PDE8A: variants seen among roughly 807,000 people sequenced by gnomAD.
The protein encoded by PDE8A is high affinity cAMP-specific and IBMX-insensitive 3',5'-cyclic phosphodiesterase 8A.
PDE8A carries 59 observed loss-of-function variants against 105.0 expected under a neutral mutation model. The ratio of observed to expected loss-of-function variants is 0.56; its 90% confidence interval spans 0.46 to 0.70. The LOEUF is 0.70. Among genes scored for constraint, PDE8A ranks in the 30% least tolerant of loss-of-function variants. The probability of loss-of-function intolerance (pLI) is 0.00; values close to 1 mark genes in which losing one functional copy is unlikely to be tolerated. For synonymous variants in PDE8A, 355 were observed against 371.9 expected, an observed-to-expected ratio of 0.95 and a Z score of 0.52; for missense variants, 1,014 against 1,045.9, an observed-to-expected ratio of 0.97 and a Z score of 0.42.
chr15:85,045,274 C>T (rs759792339), intron 1 of PDE8A, among the ~76,000 whole-genome samples: 4 of 152,194 alleles, frequency 2.6e-5, no homozygotes, highest in Non-Finnish European at 5.9e-5. Flanking sequence ...GACCATTTGG[C>T]ACATAGTGGA....
intron 6 of PDE8A, among the ~76,000 whole-genome samples, chr15:85,084,068 T>A (rs1056975289): frequency 6.6e-6 from 1 of 151,894 alleles, no homozygotes; most frequent in Non-Finnish European, 1.5e-5. Flanking sequence ...TTTTTTTTTT[T>A]AAGTGACATG....
At chr15:85,017,885 C>T (rs1363955507) in intron 1 of PDE8A, among the ~76,000 whole-genome samples, 2 of 8,920 alleles carry the variant, frequency 2.2e-4, no homozygotes, top group African/African-American at 8.1e-4. Context: ...GAAACTCCGT[C>T]TCAAAAAAAA....
intron 1 of PDE8A, among the ~76,000 whole-genome samples, chr15:85,004,158 T>C (rs1170690868): frequency 1.3e-5 from 2 of 152,216 alleles, no homozygotes; most frequent in Non-Finnish European, 2.9e-5. Context: ...ACAGCTTCTT[T>C]GGTAACATTT....
chr15:85,081,481 C>T (rs987752604), intron 5 of PDE8A, among the ~76,000 whole-genome samples: 3 of 152,058 alleles, frequency 2.0e-5, no homozygotes, highest in Admixed American at 6.5e-5. Context: ...AGGTCCTAGC[C>T]GTGGGTGTGA....
At chr15:85,046,873 A>G (rs1258912316) in intron 1 of PDE8A, among the ~76,000 whole-genome samples, 5 of 152,264 alleles carry the variant, frequency 3.3e-5, no homozygotes, top group African/African-American at 1.2e-4. Context: ...CAAAACTTCT[A>G]ATAATTTGTT....
intron 11 of PDE8A, among the ~76,000 whole-genome samples, chr15:85,106,852 T>A (rs933804589): frequency 1.3e-5 from 2 of 152,176 alleles, no homozygotes; most frequent in East Asian, 3.9e-4. Context: ...AGCCACAGAA[T>A]CAGAGTGGCT....
intron 1 of PDE8A, among the ~76,000 whole-genome samples, chr15:84,987,487 T>TTTTTA (rs869129017): frequency 6.7e-6 from 1 of 149,662 alleles, no homozygotes; most frequent in African/African-American, 2.5e-5. Flanking sequence ...TTTTTTTTTT[T>TTTTTA]AAAGACAGTT....
chr15:85,033,363 G>A (rs2080648228), intron 1 of PDE8A, among the ~76,000 whole-genome samples: 1 of 152,196 alleles, frequency 6.6e-6, no homozygotes, highest in Non-Finnish European at 1.5e-5. Context: ...GTACTTGTAG[G>A]GAGAGGTCTG....
intron 8 of PDE8A, 54 bp from the exon 9 acceptor site, chr15:85,097,894 C>A: frequency 1.0e-6 from 1 of 1,002,516 alleles, no homozygotes; most frequent in Non-Finnish European, 1.6e-6. Context: ...GGAAAATGTT[C>A]TTGGGTTTAT....
At chr15:85,106,973 C>A (rs1411504277) in intron 11 of PDE8A, among the ~76,000 whole-genome samples, 5 of 152,120 alleles carry the variant, frequency 3.3e-5, no homozygotes, top group African/African-American at 9.7e-5. Context: ...ATGGTAGGCA[C>A]AGAGCTGGTC....
At chr15:85,023,521 C>T (rs289403) in intron 1 of PDE8A, among the ~76,000 whole-genome samples, 115,055 of 151,962 alleles carry the variant, frequency 0.76, 44,565 homozygotes, top group Non-Finnish European at 0.85. Context: ...CTATACAGAA[C>T]TGGGGAGGTG....
rs2080706818 is a variant in PDE8A, at chr15:85,036,397, G to A, written c.187-27973G>A. 1.3e-5 allele frequency among the ~76,000 whole-genome samples: 2 copies of A among 152,182 alleles called. 1 individual carries two copies. Among genetic ancestry groups the A allele is most frequent in the South Asian group, 4.1e-4 (2 of 4,830 alleles). ...CACCCCAGTAGTTGACCGTGTTAGA[G>A]ACATTGAAGGACAGAGTACATACGC... On this transcript the variant is annotated intron_variant, in intron 1 of 21. Transcript: ENST00000394553.
intron 16 of PDE8A, among the ~76,000 whole-genome samples, chr15:85,116,843 C>G (rs1267592553): frequency 2.6e-5 from 4 of 152,224 alleles, no homozygotes; most frequent in South Asian, 2.1e-4. Flanking sequence ...CTGATACGTT[C>G]TACTTCCCTA....
intron 3 of PDE8A, among the ~76,000 whole-genome samples, chr15:85,069,496 C>T (rs914990806): frequency 7.9e-5 from 12 of 152,170 alleles, no homozygotes; most frequent in Admixed American, 2.6e-4. Flanking sequence ...TGTCCCCCCA[C>T]CCCAGACATC....
chr15:85,137,142 G>A (rs372353856), intron 21 of PDE8A, among the ~76,000 whole-genome samples: 3 of 152,114 alleles, frequency 2.0e-5, no homozygotes, highest in African/African-American at 4.8e-5. Context: ...GTGCATCTTC[G>A]TCCTGAGGGC....
chr15:85,063,321 T>C (rs1469260066), intron 1 of PDE8A: 1 of 152,240 alleles, frequency 6.6e-6, no homozygotes, highest in East Asian at 1.9e-4. Context: ...GGAAGTCTTA[T>C]GGATCTAGTT....
At chr15:84,994,819 C>G (rs1346664733) in intron 1 of PDE8A, among the ~76,000 whole-genome samples, 1 of 152,050 alleles carries the variant, frequency 6.6e-6, no homozygotes, top group East Asian at 1.9e-4. Context: ...AAAAAATTAG[C>G]TGGGCATGGT....
At chr15:85,116,699 C>T (rs1003552289) in intron 16 of PDE8A, among the ~76,000 whole-genome samples, 1 of 152,206 alleles carries the variant, frequency 6.6e-6, no homozygotes, top group Non-Finnish European at 1.5e-5. Flanking sequence ...CCAGCCAGGA[C>T]TGCCCACTAG....
intron 3 of PDE8A, among the ~76,000 whole-genome samples, chr15:85,072,822 T>C (rs752279848): frequency 6.6e-6 from 1 of 152,154 alleles, no homozygotes; most frequent in African/African-American, 2.4e-5. Context: ...TTTAAGACTT[T>C]CCCAGTGAGG....
Sources: allele counts gnomAD v4.1 joint callset (sites outside exome capture counted in the v4.1 genomes callset), GRCh38; gene constraint gnomAD v4.1.1; transcripts MANE v1.5; gene names NCBI Gene and HGNC (gene_info 2026-07-23, HGNC 2026-07-21).